AHR: variants seen among roughly 807,000 people sequenced by gnomAD.
AHR encodes aryl hydrocarbon receptor, also known as AH-receptor.
Under a neutral mutation model 86.8 loss-of-function variants are expected in AHR, and 40 were observed. That is an observed-to-expected ratio of 0.46 (90% confidence interval 0.36 to 0.60). The LOEUF (loss-of-function observed/expected upper bound fraction) is 0.60, where lower values mean the gene tolerates loss of function less well. Among genes scored for constraint, AHR ranks in the 20% least tolerant of loss-of-function variants. The probability of loss-of-function intolerance (pLI) is 0.00; values close to 1 mark genes in which losing one functional copy is unlikely to be tolerated. For synonymous variants in AHR, 398 were observed against 354.9 expected, an observed-to-expected ratio of 1.12 and a Z score of -1.37; for missense variants, 1,001 against 1,011.6, an observed-to-expected ratio of 0.99 and a Z score of 0.14.
At position 17,345,931 on chromosome 7, in the gene AHR, C is replaced by T. The variant is rs1044615912; in HGVS notation, c.*2867C>T. ...TTTTCTTACAATACCTGAAGACTTA[C>T]CAGTATTCTAGTGTATTATGAAGCT... On this transcript the variant is annotated 3_prime_UTR_variant, in exon 11 of 11. Transcript: ENST00000242057. The T allele has an allele frequency of 5.9e-5, 9 of 152,634 alleles. No individual in the cohort carries two copies. Among genetic ancestry groups the T allele is most frequent in the African/African-American group, 1.9e-4 (8 of 41,416 alleles). 9.5% of individuals were successfully genotyped at this position (152,634 alleles called of 1,614,324 possible).
intron 3 of AHR, among the ~76,000 whole-genome samples, chr7:17,323,656 A>G (rs1782196817): frequency 6.6e-6 from 1 of 152,202 alleles, no homozygotes; most frequent in African/African-American, 2.4e-5. Context: ...AAGTTTCGGT[A>G]ACTCCACTAG....
chr7:17,338,992 G>A lies in AHR; in HGVS notation c.1167G>A (p.Glu389=). Residue 389 remains glutamate, a synonymous_variant, in exon 10 of 11, where the codon GAG becomes GAA. Transcript: ENST00000242057. ...IIVTQRPLTD[E]EGTEHLRKRN... ...TTTTTGTACACAATTTTAGAGATGA[G>A]GAAGGAACAGAGCATTTACGAAAAC... 1 of 1,607,362 alleles carries A rather than the reference G, an allele frequency of 6.2e-7. No homozygotes were observed. Among genetic ancestry groups the A allele is most frequent in the East Asian group, 2.2e-5 (1 of 44,730 alleles).
At chr7:17,302,601 A>G (rs1052271558) in intron 1 of AHR, among the ~76,000 whole-genome samples, 9 of 151,958 alleles carry the variant, frequency 5.9e-5, no homozygotes, top group Admixed American at 2.6e-4. Flanking sequence ...TATTAGAACT[A>G]TGAAATGAAG....
At chr7:17,303,602 G>A (rs528902326) in intron 1 of AHR, among the ~76,000 whole-genome samples, 2 of 152,004 alleles carry the variant, frequency 1.3e-5, no homozygotes, top group South Asian at 4.2e-4. Flanking sequence ...TTTAAAGGCT[G>A]CATAATACTC....
Position 17,326,223 on chromosome 7 carries a change from A to G in AHR, c.361-1536A>G, listed in dbSNP as rs533617054. On this transcript the variant is annotated intron_variant, in intron 3 of 10. Coordinates refer to ENST00000242057, the MANE Select transcript of AHR (RefSeq NM_001621.5). Reference sequence around the variant, plus strand: ...ACTCAAATACATAAAAACATTTAGAAAAAGGAATACTAAATAATAGTTGTT... The same window carrying G: ...ACTCAAATACATAAAAACATTTAGAGAAAGGAATACTAAATAATAGTTGTT... Among the ~76,000 whole-genome samples the G allele has an allele frequency of 5.3e-4, 80 of 152,328 alleles. 1 individual carries two copies. In the South Asian group the frequency reaches 0.016, roughly 31 times the overall value.
chr7:17,321,455 C>T (rs1782171380), intron 2 of AHR, among the ~76,000 whole-genome samples: 1 of 151,846 alleles, frequency 6.6e-6, no homozygotes, highest in Admixed American at 6.6e-5. Context: ...GAGCCCAATT[C>T]TGTCAGTTAC....
chr7:17,306,029 G>T (rs973448670), intron 1 of AHR, among the ~76,000 whole-genome samples: 24 of 151,994 alleles, frequency 1.6e-4, no homozygotes, highest in African/African-American at 5.8e-4. Context: ...TGAGGTAAAG[G>T]TTTCAAAAAA....
chr7:17,302,263 A>T (rs947806157), intron 1 of AHR, among the ~76,000 whole-genome samples: 20 of 152,044 alleles, frequency 1.3e-4, no homozygotes, highest in Admixed American at 1.2e-3. Context: ...GCCATTATGA[A>T]GTGTCAGAAC....
chr7:17,317,897 T>A (rs951695298), intron 2 of AHR, among the ~76,000 whole-genome samples: 2 of 151,880 alleles, frequency 1.3e-5, no homozygotes, highest in African/African-American at 2.4e-5. Flanking sequence ...ACTGCTCTTG[T>A]TCCATTAATG....
At chr7:17,302,804 A>C (rs1781967478) in intron 1 of AHR, among the ~76,000 whole-genome samples, 4 of 150,788 alleles carry the variant, frequency 2.7e-5, no homozygotes, top group South Asian at 4.2e-4. Context: ...AACAGAACAA[A>C]AAAAAAATAT....
At chr7:17,342,872 TACTTGGAAGATCTATTC>T in intron 10 of AHR, 32 bp from the exon 11 acceptor site, 1 of 1,565,436 alleles carries the variant, frequency 6.4e-7, no homozygotes, top group Non-Finnish European at 8.7e-7. Flanking sequence ...TGGCTTAAGA[TACTTGGAAGATCTATTC>T]CAATAAGTTG....
chr7:17,328,127 C>A (rs1473330110), intron 4 of AHR, among the ~76,000 whole-genome samples: 2 of 151,766 alleles, frequency 1.3e-5, no homozygotes, highest in African/African-American at 2.4e-5. Flanking sequence ...GGAGAAGATA[C>A]AAAATTATTT....
At chr7:17,323,469 T>G (rs188082698) in intron 3 of AHR, among the ~76,000 whole-genome samples, 1 of 152,284 alleles carries the variant, frequency 6.6e-6, no homozygotes, top group African/African-American at 2.4e-5. Flanking sequence ...TTTTACTCTT[T>G]TTTTTAGAAT....
intron 1 of AHR, among the ~76,000 whole-genome samples, chr7:17,302,938 T>C (rs1394836065): frequency 6.6e-6 from 1 of 151,990 alleles, no homozygotes. Context: ...AGAGGCAGTA[T>C]ACGATTATGT....
At position 17,335,796 on chromosome 7, in the gene AHR, A is replaced by G. The variant is rs182175005; in HGVS notation, c.1160+10A>G. 1.2e-5 allele frequency: 19 copies of G among 1,607,240 alleles called. No homozygotes were observed. In the Admixed American group the frequency reaches 2.2e-4, roughly 19 times the overall value. On this transcript the variant is annotated intron_variant, in intron 9 of 10. Transcript: ENST00000242057. The stretch of plus-strand genomic sequence containing the variant: ...CTCAGAGACCACTAACGTAAGCACA[A>G]ATAATGTTTCCTGTTTTAACAGTTT...
intron 1 of AHR, among the ~76,000 whole-genome samples, chr7:17,302,810 A>ATAT (rs1554265199): frequency 0.017 from 2,517 of 149,806 alleles, 66 homozygotes; most frequent in African/African-American, 0.059. Context: ...ACAAAAAAAA[A>ATAT]ATATATATAT....
rs1319483716 is a variant in AHR, at chr7:17,330,073, A to T, written c.572A>T (p.Glu191Val). 1.9e-6 allele frequency: 3 copies of T among 1,606,714 alleles called. No homozygotes were observed. The Admixed American group carries it at 5.1e-5, about 27-fold the overall frequency. Residue 191 changes from glutamate to valine, a missense_variant and splice_region_variant, in exon 5 of 11, where the codon GAA (glutamate) becomes GTA (valine). Transcript: ENST00000242057. ...TGTACAGAGTCTGGACAAGGAATTG[A>T]AGGTAAGAATTGATGGTACAAAAAA... ...SQCTESGQGI[E>V]EATGLPQTVV...
chr7:17,334,705 T>C (rs1443814611), intron 7 of AHR, among the ~76,000 whole-genome samples, 182 bp from the exon 8 acceptor site: 1 of 152,028 alleles, frequency 6.6e-6, no homozygotes, highest in African/African-American at 2.4e-5. Context: ...AAATTTGCAA[T>C]CATAAGCAAA....
chr7:17,342,729 T>C (rs2115371954), intron 10 of AHR, among the ~76,000 whole-genome samples, 192 bp from the exon 11 acceptor site: 1 of 152,298 alleles, frequency 6.6e-6, no homozygotes, highest in South Asian at 2.1e-4. Flanking sequence ...AGGTTATAAA[T>C]GCAACTAATA....
Sources: allele counts gnomAD v4.1 joint callset (sites outside exome capture counted in the v4.1 genomes callset), GRCh38; gene constraint gnomAD v4.1.1; transcripts MANE v1.5; gene names NCBI Gene and HGNC (gene_info 2026-07-23, HGNC 2026-07-21).